The following PCDHGA6 variants were observed in gnomAD, a reference collection of about 807,000 sequenced individuals.
PCDHGA6 encodes protocadherin gamma-A6.
Under a neutral mutation model 60.6 loss-of-function variants are expected in PCDHGA6, and 41 were observed. That is an observed-to-expected ratio of 0.68 (90% CI 0.53 to 0.88). The LOEUF is 0.88. PCDHGA6 is among the 40% of genes least tolerant of loss of function. The pLI, the probability that PCDHGA6 is intolerant of heterozygous loss-of-function variation, is 0.00. For missense variants in PCDHGA6, 1,312 were observed against 1,203.0 expected (o/e 1.09, Z -1.34); for synonymous variants, 594 against 524.4 (o/e 1.13, Z -1.81).
At chr5:141,419,977 G>A (rs962684463) in intron 1 of PCDHGA6, 1 of 1,614,066 alleles carries the variant, frequency 6.2e-7, no homozygotes, top group Non-Finnish European at 8.5e-7. Context: ...TTCTCCTCGC[G>A]GTGATTCTAG....
Position 141,486,915 on chromosome 5 carries a change from C to G in PCDHGA6, c.2425-7892C>G. The G allele has an allele frequency of 6.2e-7, 1 of 1,614,244 alleles. No individual in the cohort carries two copies. The highest frequency in any genetic ancestry group is 8.5e-7 in the Non-Finnish European group (1 of 1,180,046). ...GGTTCCTTATGTCCCCAAGCACTGCCTCCATCAGTTGGTGCTGGCCACCTA... is the reference window on the plus strand; with the variant it reads ...GGTTCCTTATGTCCCCAAGCACTGCGTCCATCAGTTGGTGCTGGCCACCTA... On this transcript the variant is annotated intron_variant, in intron 1 of 3. Transcript: ENST00000517434. This position sits in a 1 kb window ranked among gnomAD's most constrained non-coding sequence, Gnocchi z 5.0.
chr5:141,417,923 C>T, intron 1 of PCDHGA6: 1 of 1,608,652 alleles, frequency 6.2e-7, no homozygotes, highest in Non-Finnish European at 8.5e-7. Context: ...TCCTTTGCTG[C>T]TGCCTTTGTT....
chr5:141,485,441 A>T lies in PCDHGA6; in HGVS notation c.2425-9366A>T. On this transcript the variant is annotated intron_variant, in intron 1 of 3. Coordinates refer to ENST00000517434, the MANE Select transcript of PCDHGA6 (RefSeq NM_018919.3). The surrounding 1 kb of genome is among the most constrained non-coding windows in gnomAD (Gnocchi z 5.7). ...CGGAGCCCTGCTCATCAAGAACCCA[A>T]TCGACCGAGAGGCACTGTGTGGGCT... is the stretch of plus-strand genomic sequence containing the variant. The T allele has an allele frequency of 6.2e-7, 1 of 1,613,910 alleles. No homozygotes were observed. The highest frequency in any genetic ancestry group is 1.1e-5 in the South Asian group (1 of 91,062).
At chr5:141,496,602 C>T (rs981108050) in intron 2 of PCDHGA6, among the ~76,000 whole-genome samples, 1 of 152,150 alleles carries the variant, frequency 6.6e-6, no homozygotes, top group Non-Finnish European at 1.5e-5. Flanking sequence ...TCTTAGAAGG[C>T]CCCTAAAAAG....
intron 2 of PCDHGA6, 99 bp from the exon 3 acceptor site, chr5:141,505,294 G>T: frequency 6.4e-7 from 1 of 1,572,086 alleles, no homozygotes; most frequent in Non-Finnish European, 8.6e-7. Context: ...GCATGGGGTA[G>T]GGTTAGGGTA....
chr5:141,413,953 C>A, intron 1 of PCDHGA6: 1 of 1,613,310 alleles, frequency 6.2e-7, no homozygotes, highest in Non-Finnish European at 8.5e-7. Context: ...TGAGAATTTG[C>A]CTGTGGGCAC....
chr5:141,407,996 TG>T, intron 1 of PCDHGA6: 1 of 872,306 alleles, frequency 1.1e-6, no homozygotes, highest in Non-Finnish European at 1.7e-6. Flanking sequence ...GCCTCTGGCC[TG>T]GGATTCCCTG....
At position 141,487,791 on chromosome 5, in the gene PCDHGA6, C is replaced by T; in HGVS notation, c.2425-7016C>T. ...CTTTGTAACTGTTTCGTGAATTAAC[C>T]AGAGTTGTCACAGTTTAGCATTGGG... On this transcript the variant is annotated intron_variant, in intron 1 of 3. Coordinates refer to ENST00000517434, the MANE Select transcript of PCDHGA6 (RefSeq NM_018919.3). This position sits in a 1 kb window ranked among gnomAD's most constrained non-coding sequence, Gnocchi z 5.0. 6.6e-7 allele frequency: 1 copy of T among 1,510,152 alleles called. No individual in the cohort carries two copies. The highest frequency in any genetic ancestry group is 1.4e-5 in the African/African-American group (1 of 72,206). The allele number at this position is 1,510,152 out of a possible 1,614,324, so 93.5% of individuals were successfully genotyped here. A position where few individuals can be genotyped will look rare whatever the true frequency, so the allele number is the denominator to read the frequency against.
At chr5:141,409,358 A>G (rs757614552) in intron 1 of PCDHGA6, 2 of 1,613,900 alleles carry the variant, frequency 1.2e-6, no homozygotes, top group Non-Finnish European at 8.5e-7. Flanking sequence ...CAGGTGTAAT[A>G]TAGAAACAGA....
intron 1 of PCDHGA6, among the ~76,000 whole-genome samples, chr5:141,468,857 C>A (rs1386167428): frequency 2.0e-5 from 3 of 151,962 alleles, no homozygotes; most frequent in Non-Finnish European, 4.4e-5. Context: ...CAGAGCGAGA[C>A]TCCATCTCAA....
intron 1 of PCDHGA6, chr5:141,393,214 A>AT (rs1561641117): frequency 1.2e-6 from 2 of 1,613,518 alleles, no homozygotes; most frequent in East Asian, 2.2e-5. Flanking sequence ...CCAAAATTCC[A>AT]GGTCGAAGAT....
chr5:141,390,182 A>G (rs771358768), intron 1 of PCDHGA6: 5 of 1,613,870 alleles, frequency 3.1e-6, no homozygotes, highest in Non-Finnish European at 1.7e-6. Flanking sequence ...ATTTCCTAAA[A>G]TGTAGTGAGC....
At chr5:141,458,058 C>T (rs997664641) in intron 1 of PCDHGA6, among the ~76,000 whole-genome samples, 3 of 152,196 alleles carry the variant, frequency 2.0e-5, no homozygotes, top group Non-Finnish European at 4.4e-5. Context: ...TCTTGCTGCA[C>T]TGATGCGAAC....
chr5:141,491,932 G>A lies in PCDHGA6; in HGVS notation c.2425-2875G>A. Reference sequence around the variant, plus strand: ...GGCGACTGTGGGCGAGGGGAGGTGGGACCGACCCCCACCCCTACACTCAAA... The same window carrying A: ...GGCGACTGTGGGCGAGGGGAGGTGGAACCGACCCCCACCCCTACACTCAAA... On this transcript the variant is annotated intron_variant, in intron 1 of 3. Transcript: ENST00000517434. This position sits in a 1 kb window ranked among gnomAD's most constrained non-coding sequence, Gnocchi z 6.9. 1 of 1,259,014 alleles carries A rather than the reference G, an allele frequency of 7.9e-7. No homozygotes were observed. The highest frequency in any genetic ancestry group is 1.1e-6 in the Non-Finnish European group (1 of 926,048). The allele number at this position is 1,259,014 out of a possible 1,614,324, so 78.0% of individuals were successfully genotyped here. A position where few individuals can be genotyped will look rare whatever the true frequency, so the allele number is the denominator to read the frequency against.
intron 3 of PCDHGA6, among the ~76,000 whole-genome samples, chr5:141,507,802 T>G (rs886950696): frequency 6.6e-6 from 1 of 152,204 alleles, no homozygotes; most frequent in African/African-American, 2.4e-5. Context: ...GCCTGCGCCC[T>G]GGGGAACGGA....
chr5:141,430,754 A>G (rs778266116), intron 1 of PCDHGA6: 26 of 1,503,884 alleles, frequency 1.7e-5, no homozygotes, highest in East Asian at 4.6e-5. Flanking sequence ...CTGGAGGAAG[A>G]TAAGAATGAT....
At position 141,490,516 on chromosome 5, in the gene PCDHGA6, G is replaced by T. The variant is rs768123119; in HGVS notation, c.2425-4291G>T. The T allele has an allele frequency of 6.2e-7, 1 of 1,613,828 alleles. No individual in the cohort carries two copies. The highest frequency in any genetic ancestry group is 2.2e-5 in the East Asian group (1 of 44,864). On this transcript the variant is annotated intron_variant, in intron 1 of 3. Transcript: ENST00000517434. This position sits in a 1 kb window ranked among gnomAD's most constrained non-coding sequence, Gnocchi z 5.4. ...ATCCCACTATATCATCGAGCTGCTG[G>T]CCAGCGATGCTGGTTCACCTTCCCT... is the stretch of plus-strand genomic sequence containing the variant.
rs370286425 is a variant in PCDHGA6, at chr5:141,431,234, G to A, written c.2424+54727G>A. On this transcript the variant is annotated intron_variant, in intron 1 of 3. Coordinates refer to ENST00000517434, the MANE Select transcript of PCDHGA6 (RefSeq NM_018919.3). This position sits in a 1 kb window ranked among gnomAD's most constrained non-coding sequence, Gnocchi z 4.8. ...GCGGTTCCCTCTACCCCACGCCTGGGATCCGGATATCGGGAAGAACTCTCT... is the reference window on the plus strand; with the variant it reads ...GCGGTTCCCTCTACCCCACGCCTGGAATCCGGATATCGGGAAGAACTCTCT... 13 of 1,614,052 alleles carry A rather than the reference G, an allele frequency of 8.1e-6. No individual in the cohort carries two copies. The highest frequency in any genetic ancestry group is 2.7e-5 in the African/African-American group (2 of 74,940).
chr5:141,409,056 C>T, intron 1 of PCDHGA6: 2 of 1,613,926 alleles, frequency 1.2e-6, no homozygotes, highest in South Asian at 1.1e-5. Context: ...CGAAGCACTG[C>T]CCAGAGCACA....
Sources: allele counts gnomAD v4.1 joint callset (sites outside exome capture counted in the v4.1 genomes callset), GRCh38; gene constraint gnomAD v4.1.1; non-coding constraint Gnocchi (gnomAD v3.1); transcripts MANE v1.5; gene names NCBI Gene and HGNC (gene_info 2026-07-23, HGNC 2026-07-21).